FRK: variants seen among roughly 807,000 people sequenced by gnomAD.
FRK encodes the protein fyn related Src family tyrosine kinase.
FRK carries 51 observed loss-of-function variants against 56.4 expected under a neutral mutation model. The observed-to-expected ratio is 0.90, with a 90% CI of 0.72 to 1.14. FRK has a LOEUF of 1.14. Among genes scored for constraint, FRK ranks in the 50% most tolerant of loss-of-function variants. The pLI, the probability that FRK is intolerant of heterozygous loss-of-function variation, is 0.00. For missense variants in FRK, 570 were observed against 601.4 expected (o/e 0.95, Z 0.55); for synonymous variants, 245 against 217.9 (o/e 1.12, Z -1.10).
At chr6:115,985,548 A>C (rs372376785) in intron 2 of FRK, among the ~76,000 whole-genome samples, 1 of 152,280 alleles carries the variant, frequency 6.6e-6, no homozygotes, top group East Asian at 1.9e-4. Context: ...TGAGTCAGAT[A>C]GCCTGGCTAT....
intron 2 of FRK, among the ~76,000 whole-genome samples, chr6:115,991,058 T>C (rs1459504520): frequency 4.6e-5 from 7 of 151,902 alleles, no homozygotes; most frequent in Admixed American, 2.6e-4. Context: ...GAGTTCTTGA[T>C]TGGTTCTCAG....
chr6:116,044,532 AC>A (rs1776861629), intron 1 of FRK, among the ~76,000 whole-genome samples: 1 of 152,162 alleles, frequency 6.6e-6, no homozygotes, highest in Non-Finnish European at 1.5e-5. Flanking sequence ...AAAATTCAAC[AC>A]CCCTTCATGC....
chr6:115,967,960 C>T (rs2114601617), intron 3 of FRK, among the ~76,000 whole-genome samples: 1 of 152,202 alleles, frequency 6.6e-6, no homozygotes, highest in Admixed American at 6.5e-5. Context: ...TGTCTGATCC[C>T]ATACCTAATG....
chr6:116,047,094 G>C (rs943268158), intron 1 of FRK, among the ~76,000 whole-genome samples: 3 of 151,102 alleles, frequency 2.0e-5, no homozygotes, highest in Non-Finnish European at 4.4e-5. Flanking sequence ...TAAGACCTAG[G>C]ACTGAACTCA....
chr6:116,066,298 G>A, the FRK span, among the ~76,000 whole-genome samples: 23 of 152,216 alleles, frequency 1.5e-4, no homozygotes, highest in African/African-American at 4.6e-4. Flanking sequence ...TTCCTGCCTC[G>A]AACATCAGAC....
At chr6:116,027,999 C>T (rs745593310) in intron 1 of FRK, among the ~76,000 whole-genome samples, 2 of 151,988 alleles carry the variant, frequency 1.3e-5, no homozygotes, top group Admixed American at 6.6e-5. Flanking sequence ...ATAATAAGTG[C>T]CTATATGGTA....
At chr6:115,967,482 G>T in intron 4 of FRK, 69 bp downstream of exon 4, 1 of 1,465,160 alleles carries the variant, frequency 6.8e-7, no homozygotes, top group Admixed American at 1.7e-5. Context: ...TGACCTCTTA[G>T]ATATTTACAG....
At chr6:116,022,493 G>A (rs1194685524) in intron 1 of FRK, among the ~76,000 whole-genome samples, 4 of 151,986 alleles carry the variant, frequency 2.6e-5, no homozygotes, top group Admixed American at 6.6e-5. Flanking sequence ...CCATTTAGAA[G>A]GTTATTTGAA....
Position 115,938,945 on chromosome 6 carries a change from G to T in FRK, c.*3469C>A, listed in dbSNP as rs913556333. 4 of 151,744 alleles carry T rather than the reference G, an allele frequency of 2.6e-5. No homozygotes were observed. The highest frequency in any genetic ancestry group is 5.9e-5 in the Non-Finnish European group (4 of 68,004). 9.4% of individuals were successfully genotyped at this position (151,744 alleles called of 1,614,324 possible). A position where few individuals can be genotyped will look rare whatever the true frequency, so the allele number is the denominator to read the frequency against. On this transcript the variant is annotated 3_prime_UTR_variant, in exon 8 of 8. Transcript: ENST00000606080. ...CTTTCTGAAACTATTCCAAACAATA[G>T]GAAAAGAGGGACTCCTCCCTAACTC... is the stretch of plus-strand genomic sequence containing the variant.
intron 2 of FRK, among the ~76,000 whole-genome samples, chr6:115,988,023 A>G (rs1416388990): frequency 6.6e-6 from 1 of 152,088 alleles, no homozygotes; most frequent in Non-Finnish European, 1.5e-5. Flanking sequence ...GGATTGAAAG[A>G]AAGTCCCTGC....
Position 115,939,505 on chromosome 6 carries a change from T to G in FRK, c.*2909A>C, listed in dbSNP as rs1001142711. The G allele has an allele frequency of 6.6e-6, 1 of 151,994 alleles. No homozygotes were observed. Among genetic ancestry groups the G allele is most frequent in the Admixed American group, 6.6e-5 (1 of 15,258 alleles). The allele number at this position is 151,994 out of a possible 1,614,324, so 9.4% of individuals were successfully genotyped here. A position where few individuals can be genotyped will look rare whatever the true frequency, so the allele number is the denominator to read the frequency against. Reference sequence around the variant, plus strand: ...AGGGCAATCAGGCAAGAGAAAGAAATAAAGGGTATTCAAATAGGAAAACAG... The same window carrying G: ...AGGGCAATCAGGCAAGAGAAAGAAAGAAAGGGTATTCAAATAGGAAAACAG... On this transcript the variant is annotated 3_prime_UTR_variant, in exon 8 of 8. Coordinates refer to ENST00000606080, the MANE Select transcript of FRK (RefSeq NM_002031.3).
chr6:116,083,297 G>C, the FRK span, among the ~76,000 whole-genome samples: 1 of 152,158 alleles, frequency 6.6e-6, no homozygotes, highest in Non-Finnish European at 1.5e-5. Context: ...ATTGCAAACA[G>C]TGAGACAAAC....
intron 2 of FRK, among the ~76,000 whole-genome samples, chr6:115,975,876 T>C (rs1235960299): frequency 6.6e-6 from 1 of 152,138 alleles, no homozygotes; most frequent in Non-Finnish European, 1.5e-5. Flanking sequence ...TTAGGACATA[T>C]TGTGGAGACG....
At chr6:116,038,069 G>T (rs1395051394) in intron 1 of FRK, among the ~76,000 whole-genome samples, 1 of 152,170 alleles carries the variant, frequency 6.6e-6, no homozygotes, top group Non-Finnish European at 1.5e-5. Flanking sequence ...AAGGTAAGAG[G>T]CAGGGGAGAC....
At chr6:116,007,877 C>T (rs987280989) in intron 1 of FRK, among the ~76,000 whole-genome samples, 10 of 151,908 alleles carry the variant, frequency 6.6e-5, no homozygotes, top group African/African-American at 2.4e-4. Flanking sequence ...AGTTGGGGCA[C>T]ATAAATTTTA....
In FRK at chr6:115,944,255, T is replaced by C. The variant is rs1772326686; in HGVS notation, c.1129A>G (p.Arg377Gly). ...AAAACTAAATCCACCTTAAAAACTC[T>C]GGCAAGTCCAAAATCTGCTACTTTG... ...IYKVADFGLA[R>G]VFKVDNEDIY... The change falls in exon 6 of 8, where the codon AGA (arginine) becomes GGA (glycine). Residue 377 changes from arginine to glycine, a missense_variant. Physicochemically the swap from Arg to Gly is moderately radical, Grantham distance 125. Transcript: ENST00000606080. The C allele has an allele frequency of 1.2e-6, 2 of 1,605,658 alleles. No homozygotes were observed. Among genetic ancestry groups the C allele is most frequent in the Admixed American group, 1.7e-5 (1 of 57,922 alleles).
At chr6:116,069,411 C>T in the FRK span, among the ~76,000 whole-genome samples, 1 of 152,062 alleles carries the variant, frequency 6.6e-6, no homozygotes, top group Non-Finnish European at 1.5e-5. Flanking sequence ...AGTCATGCCT[C>T]TCTTGCAGTT....
intron 1 of FRK, among the ~76,000 whole-genome samples, chr6:116,014,729 C>T (rs1253682496): frequency 6.6e-6 from 1 of 151,934 alleles, no homozygotes; most frequent in African/African-American, 2.4e-5. Context: ...CCTGAGCTCA[C>T]CAGCAATATG....
chr6:115,974,715 G>T (rs370871835), intron 2 of FRK, among the ~76,000 whole-genome samples: 9 of 151,962 alleles, frequency 5.9e-5, no homozygotes, highest in South Asian at 4.1e-4. Flanking sequence ...ATCTGTTTGC[G>T]TAGTCCTTTC....
Sources: gnomAD v4.1 joint callset for allele counts (sites outside exome capture counted in the v4.1 genomes callset) on GRCh38, gnomAD v4.1.1 for gene constraint, MANE v1.5 for transcripts, NCBI Gene and HGNC (gene_info 2026-07-23, HGNC 2026-07-21) for gene names.